DSE: variants seen among roughly 807,000 people sequenced by gnomAD.
DSE encodes dermatan-sulfate epimerase.
A neutral mutation model predicts 84.4 loss-of-function variants in DSE; 36 were observed. The observed-to-expected ratio is 0.43, with a 90% CI of 0.33 to 0.56. The LOEUF (loss-of-function observed/expected upper bound fraction) is 0.56. Among genes scored for constraint, DSE ranks in the 20% least tolerant of loss-of-function variants. The pLI is 0.06. For missense variants in DSE, 862 were observed against 1,169.6 expected (o/e 0.74, Z 3.84); for synonymous variants, 410 against 430.1 (o/e 0.95, Z 0.58).
chr6:116,264,273 AG>A (rs1452903908), intron 2 of DSE, among the ~76,000 whole-genome samples: 2 of 152,124 alleles, frequency 1.3e-5, no homozygotes, highest in Non-Finnish European at 2.9e-5. Context: ...CATATTTCTC[AG>A]AGGTTTTGCT....
At chr6:116,377,090 A>G (rs1303506970) in intron 1 of DSE, among the ~76,000 whole-genome samples, 1 of 152,250 alleles carries the variant, frequency 6.6e-6, no homozygotes, top group Non-Finnish European at 1.5e-5. Context: ...GAAATTGAAT[A>G]GGTATACAGT....
chr6:116,415,194 A>T (rs560514919), intron 2 of DSE, among the ~76,000 whole-genome samples: 57 of 152,218 alleles, frequency 3.7e-4, no homozygotes, highest in African/African-American at 1.3e-3. Context: ...TCTTCCCTCA[A>T]GTTTAAAGGG....
At chr6:116,264,282 G>T (rs1324907451) in intron 2 of DSE, among the ~76,000 whole-genome samples, 2 of 152,044 alleles carry the variant, frequency 1.3e-5, no homozygotes, top group Admixed American at 6.5e-5. Flanking sequence ...CAGAGGTTTT[G>T]CTCATTCCTT....
intron 2 of DSE, among the ~76,000 whole-genome samples, chr6:116,322,463 G>A (rs1193240386): frequency 6.6e-6 from 1 of 152,106 alleles, no homozygotes; most frequent in Non-Finnish European, 1.5e-5. Context: ...GTAGGCCTCA[G>A]CCAGCCTCCC....
chr6:116,383,822 G>A (rs1388830893), intron 1 of DSE, among the ~76,000 whole-genome samples: 3 of 152,102 alleles, frequency 2.0e-5, no homozygotes, highest in Admixed American at 6.5e-5. Flanking sequence ...TTATTCTCTT[G>A]TTCTACATAA....
intron 1 of DSE, chr6:116,255,420 T>A (rs1419618589): frequency 6.6e-6 from 1 of 152,212 alleles, no homozygotes; most frequent in African/African-American, 2.4e-5. Context: ...ACAGCCTGCC[T>A]TGCAGGATTT....
chr6:116,282,936 G>C (rs995336459), intron 2 of DSE, among the ~76,000 whole-genome samples: 1 of 152,128 alleles, frequency 6.6e-6, no homozygotes, highest in African/African-American at 2.4e-5. Flanking sequence ...TGCCATACAG[G>C]CAAAGCTGTG....
chr6:116,275,312 G>T (rs570000615), intron 2 of DSE, among the ~76,000 whole-genome samples: 1 of 152,316 alleles, frequency 6.6e-6, no homozygotes, highest in South Asian at 2.1e-4. Context: ...GCAAGTGAAA[G>T]ATTTAATGTT....
At chr6:116,271,099 A>G (rs1444142286) in intron 2 of DSE, among the ~76,000 whole-genome samples, 1 of 152,250 alleles carries the variant, frequency 6.6e-6, no homozygotes, top group Non-Finnish European at 1.5e-5. Context: ...TTAATAATAT[A>G]GGTAAATGTC....
intron 1 of DSE, among the ~76,000 whole-genome samples, chr6:116,378,554 C>T (rs1444342300): frequency 3.9e-5 from 6 of 152,122 alleles, no homozygotes; most frequent in African/African-American, 1.4e-4. Flanking sequence ...CCTCCATCCC[C>T]TGCTTAATCT....
intron 1 of DSE, among the ~76,000 whole-genome samples, chr6:116,384,411 A>G (rs1780445160): frequency 6.6e-6 from 1 of 152,156 alleles, no homozygotes; most frequent in African/African-American, 2.4e-5. Flanking sequence ...TAGGCATGCT[A>G]ATAATGGGAT....
At chr6:116,280,028 C>T in intron 2 of DSE, 1 of 715,432 alleles carries the variant, frequency 1.4e-6, no homozygotes, top group Non-Finnish European at 2.5e-6. Flanking sequence ...GCCAGCCAAC[C>T]GGATTCTCTG....
chr6:116,378,291 G>A (rs1315618957), intron 1 of DSE, among the ~76,000 whole-genome samples: 1 of 152,114 alleles, frequency 6.6e-6, no homozygotes, highest in Non-Finnish European at 1.5e-5. Context: ...TTTAAATGGG[G>A]TTGCCTTGAA....
intron 2 of DSE, chr6:116,279,196 T>G: frequency 1.2e-6 from 2 of 1,610,930 alleles, no homozygotes; most frequent in Non-Finnish European, 1.7e-6. Flanking sequence ...CCTCGCCTCC[T>G]CCTCCAATCT....
intron 2 of DSE, among the ~76,000 whole-genome samples, chr6:116,361,260 C>T (rs985911054): frequency 7.2e-5 from 11 of 151,906 alleles, no homozygotes; most frequent in Non-Finnish European, 8.8e-5. Flanking sequence ...GGGGTTTCAC[C>T]ATGTTGGGCA....
chr6:116,279,683 C>T, intron 2 of DSE: 1 of 1,609,712 alleles, frequency 6.2e-7, no homozygotes, highest in Non-Finnish European at 8.5e-7. Context: ...CCTCCCTCAC[C>T]CGGCTCCGCC....
chr6:116,289,805 C>A (rs1774169069), intron 2 of DSE, among the ~76,000 whole-genome samples: 1 of 152,054 alleles, frequency 6.6e-6, no homozygotes, highest in Admixed American at 6.6e-5. Context: ...GCTGAGAACT[C>A]TGCCTTGTGA....
Position 116,433,525 on chromosome 6 carries a change from T to C in DSE, c.1093T>C (p.Cys365Arg). 6.3e-7 allele frequency: 1 copy of C among 1,579,586 alleles called. No homozygotes were observed. The highest frequency in any genetic ancestry group is 8.6e-7 in the Non-Finnish European group (1 of 1,160,964). ...AACACCATCCAAAGGGCAGCGCTGGTGCACTCTGCACACAGAATTTCTCTG... is the reference window on the plus strand; with the variant it reads ...AACACCATCCAAAGGGCAGCGCTGGCGCACTCTGCACACAGAATTTCTCTG... The part of the protein sequence containing the change: ...PGTPSKGQRW[C>R]TLHTEFLWYD... Residue 365 changes from cysteine to arginine, a missense_variant, in exon 5 of 6, where the codon TGC (cysteine) becomes CGC (arginine). By Grantham distance (180) the Cys-to-Arg change is radical (BLOSUM62 -3). This residue lies in a region of DSE where 309 missense variants were observed against 516.9 expected (regional missense o/e 0.60). Coordinates refer to ENST00000644252, the MANE Select transcript of DSE (RefSeq NM_013352.4).
chr6:116,353,302 G>T (rs1176060120), intron 2 of DSE, among the ~76,000 whole-genome samples: 1 of 152,132 alleles, frequency 6.6e-6, no homozygotes, highest in East Asian at 1.9e-4. Context: ...CTAAGGGGGA[G>T]TAGTCATGAT....
Sources: allele counts gnomAD v4.1 joint callset (sites outside exome capture counted in the v4.1 genomes callset), GRCh38; gene constraint gnomAD v4.1.1; regional missense constraint gnomAD v4.1.1; transcripts MANE v1.5; gene names NCBI Gene and HGNC (gene_info 2026-07-23, HGNC 2026-07-21).